The following SNAP23 variants were observed in gnomAD, a reference collection of about 807,000 sequenced individuals.
SNAP23 encodes the protein synaptosomal-associated protein 23.
Under a neutral mutation model 29.0 loss-of-function variants are expected in SNAP23, and 11 were observed. That is an observed-to-expected ratio of 0.38 (90% confidence interval 0.24 to 0.63). The LOEUF (loss-of-function observed/expected upper bound fraction) is 0.63, where lower values mean the gene tolerates loss of function less well. SNAP23 is among the 20% of genes least tolerant of loss of function. SNAP23 has a pLI of 0.58. For missense variants in SNAP23, 220 were observed against 253.9 expected, an observed-to-expected ratio of 0.87 and a Z score of 0.91; for synonymous variants, 60 against 82.9, an observed-to-expected ratio of 0.72 and a Z score of 1.50.
At chr15:42,497,454 C>T (rs993939320) in intron 1 of SNAP23, among the ~76,000 whole-genome samples, 1 of 151,982 alleles carries the variant, frequency 6.6e-6, no homozygotes, top group African/African-American at 2.4e-5. Context: ...GGTTATCCAC[C>T]GGCCTCCGCC....
intron 1 of SNAP23, among the ~76,000 whole-genome samples, chr15:42,501,795 A>G (rs909102711): frequency 2.0e-5 from 3 of 152,150 alleles, no homozygotes; most frequent in South Asian, 2.1e-4. Context: ...TGCTCTAAAT[A>G]CTGTGCTTGA....
chr15:42,492,248 C>T (rs1029136532), upstream of SNAP23, among the ~76,000 whole-genome samples: 5 of 152,088 alleles, frequency 3.3e-5, no homozygotes, highest in Admixed American at 6.6e-5. Flanking sequence ...ATACCCATTC[C>T]CTCAGAAACC....
chr15:42,507,716 T>G (rs1213613794), intron 1 of SNAP23, among the ~76,000 whole-genome samples: 3 of 152,194 alleles, frequency 2.0e-5, no homozygotes, highest in African/African-American at 7.2e-5. Context: ...ATAGGTTACA[T>G]TCTCTCTGAC....
chr15:42,506,155 AT>A (rs1343686434), intron 1 of SNAP23, among the ~76,000 whole-genome samples: 1 of 149,068 alleles, frequency 6.7e-6, no homozygotes, highest in African/African-American at 2.5e-5. Context: ...CATTTTGGCA[AT>A]GGCTGGTCTT....
intron 5 of SNAP23, among the ~76,000 whole-genome samples, chr15:42,527,511 G>C (rs1355352441): frequency 6.6e-6 from 1 of 151,854 alleles, no homozygotes; most frequent in Non-Finnish European, 1.5e-5. Flanking sequence ...TCAGCCTCTC[G>C]AGTAGCTGGG....
At chr15:42,504,928 C>T (rs2057305149) in intron 1 of SNAP23, among the ~76,000 whole-genome samples, 1 of 152,106 alleles carries the variant, frequency 6.6e-6, no homozygotes, top group Non-Finnish European at 1.5e-5. Flanking sequence ...CAGTAATAAA[C>T]CCTTTGAGTG....
chr15:42,515,135 T>C (rs973008376), intron 4 of SNAP23, 102 bp from the exon 5 acceptor site: 12 of 687,774 alleles, frequency 1.7e-5, no homozygotes, highest in Admixed American at 1.7e-4. Context: ...TGGGGAGTTA[T>C]TGGTAGATTC....
intron 5 of SNAP23, among the ~76,000 whole-genome samples, chr15:42,519,339 G>C (rs1405105046): frequency 2.0e-5 from 3 of 150,772 alleles, no homozygotes; most frequent in Admixed American, 6.6e-5. Context: ...ACAAGCATGA[G>C]CCACCATGCC....
chr15:42,492,195 G>T (rs2057172783), upstream of SNAP23, among the ~76,000 whole-genome samples: 2 of 152,064 alleles, frequency 1.3e-5, no homozygotes, highest in South Asian at 4.1e-4. Flanking sequence ...ACAGGTGTGA[G>T]CCACCGCGCC....
intron 1 of SNAP23, among the ~76,000 whole-genome samples, chr15:42,500,113 G>C (rs73404711): frequency 0.047 from 7,136 of 151,958 alleles, 566 homozygotes; most frequent in African/African-American, 0.16. Flanking sequence ...AAAGGAAAAA[G>C]AGGATGTTTG....
chr15:42,528,136 G>GTC, intron 5 of SNAP23, 126 bp from the exon 6 acceptor site: 1 of 703,530 alleles, frequency 1.4e-6, no homozygotes, highest in Non-Finnish European at 2.4e-6. Flanking sequence ...AGATCATCTA[G>GTC]ACTTAGCTGT....
chr15:42,494,787 T>C (rs150892454), upstream of SNAP23, among the ~76,000 whole-genome samples: 264 of 152,240 alleles, frequency 1.7e-3, 7 homozygotes, highest in East Asian at 0.044. Context: ...AGTGCTGGGA[T>C]TGATTACAGG....
chr15:42,502,126 C>G (rs978500924), intron 1 of SNAP23, among the ~76,000 whole-genome samples: 2 of 149,528 alleles, frequency 1.3e-5, no homozygotes, highest in Non-Finnish European at 3.0e-5. Flanking sequence ...CTCCCAGGTT[C>G]ACGCCATTCT....
chr15:42,528,533 C>A, intron 6 of SNAP23, 113 bp downstream of exon 6: 4 of 1,075,246 alleles, frequency 3.7e-6, no homozygotes, highest in Admixed American at 2.7e-5. Context: ...GTATTTATTC[C>A]ATTTTTAAAA....
upstream of SNAP23, chr15:42,495,179 T>A (rs547521034): frequency 6.6e-6 from 1 of 152,346 alleles, no homozygotes; most frequent in East Asian, 1.9e-4. Context: ...CTCCTACTTA[T>A]CCTTCATGAC....
intron 4 of SNAP23, 111 bp from the exon 5 acceptor site, chr15:42,515,126 G>A: frequency 1.5e-6 from 1 of 672,472 alleles, no homozygotes; most frequent in Non-Finnish European, 2.6e-6. Context: ...TACTCACTGT[G>A]GGGAGTTATT....
chr15:42,528,950 A>C (rs1042585548), intron 6 of SNAP23, among the ~76,000 whole-genome samples: 1 of 152,298 alleles, frequency 6.6e-6, no homozygotes, highest in African/African-American at 2.4e-5. Context: ...TATACTTTTC[A>C]GTACTTTCCA....
At chr15:42,497,247 C>T (rs1166727511) in intron 1 of SNAP23, among the ~76,000 whole-genome samples, 2 of 137,064 alleles carry the variant, frequency 1.5e-5, no homozygotes, top group Admixed American at 8.0e-5. Flanking sequence ...CTTGCTCTGT[C>T]GCTCAGGCTG....
rs2057224887 is a variant in SNAP23, at chr15:42,497,019, C to CCTGGCCCCTTTCTTT, written c.-15+1309_-15+1323dup. Among the ~76,000 whole-genome samples, 3 of 151,254 alleles carry CCTGGCCCCTTTCTTT rather than the reference C, an allele frequency of 2.0e-5. No individual in the cohort carries two copies. The South Asian group carries it at 6.3e-4, about 32-fold the overall frequency. The stretch of plus-strand genomic sequence containing the variant: ...AATAGCCAAACTGTATCATTCTGCC[C>CCTGGCCCCTTTCTTT]CTGGCCCCTTTCTTTCTTTCTTTCT... On this transcript the variant is annotated intron_variant, in intron 1 of 7. Coordinates refer to ENST00000249647, the MANE Select transcript of SNAP23 (RefSeq NM_003825.4).
Sources: gnomAD v4.1 joint callset for allele counts (sites outside exome capture counted in the v4.1 genomes callset) on GRCh38, gnomAD v4.1.1 for gene constraint, MANE v1.5 for transcripts, NCBI Gene and HGNC (gene_info 2026-07-23, HGNC 2026-07-21) for gene names.